The following MCUB variants were observed in gnomAD, a reference collection of about 807,000 sequenced individuals.
MCUB encodes calcium uniporter regulatory subunit MCUb, mitochondrial.
In MCUB, 46 loss-of-function variants were observed where a neutral mutation model predicts 41.4. The ratio of observed to expected loss-of-function variants is 1.11; its 90% CI spans 0.88 to 1.42. The LOEUF (loss-of-function observed/expected upper bound fraction) is 1.42, where lower values mean the gene tolerates loss of function less well. Among genes scored for constraint, MCUB ranks in the 40% most tolerant of loss-of-function variants. The pLI, the probability that MCUB is intolerant of heterozygous loss-of-function variation, is 0.00. For missense variants in MCUB, 403 were observed against 404.9 expected, an observed-to-expected ratio of 1.00 and a Z score of 0.04; for synonymous variants, 148 against 148.2, an observed-to-expected ratio of 1.00 and a Z score of 0.01.
chr4:109,625,960 C>G (rs6815377), intron 1 of MCUB, among the ~76,000 whole-genome samples: 113,177 of 152,092 alleles, frequency 0.74, 43,132 homozygotes, highest in African/African-American at 0.92. Flanking sequence ...TTAATGCATT[C>G]GTCCTCAGTG....
intron 1 of MCUB, among the ~76,000 whole-genome samples, chr4:109,612,835 G>GTT (rs1728041945): frequency 1.3e-5 from 2 of 152,106 alleles, no homozygotes; most frequent in Admixed American, 1.3e-4. Context: ...GGCCGGGTGC[G>GTT]GTGTCTCACG....
At chr4:109,598,140 A>G (rs1418323812) in intron 1 of MCUB, among the ~76,000 whole-genome samples, 1 of 145,940 alleles carries the variant, frequency 6.9e-6, no homozygotes, top group Non-Finnish European at 1.5e-5. Context: ...GGCTCCTCAC[A>G]TCCCAGACGA....
chr4:109,586,924 T>C (rs1727320346), intron 1 of MCUB, among the ~76,000 whole-genome samples: 1 of 152,172 alleles, frequency 6.6e-6, no homozygotes, highest in Non-Finnish European at 1.5e-5. Flanking sequence ...AGGGACCCAC[T>C]TGAGGAGGCA....
intron 1 of MCUB, among the ~76,000 whole-genome samples, chr4:109,657,587 A>G (rs1729133522): frequency 6.6e-6 from 1 of 152,246 alleles, no homozygotes; most frequent in Non-Finnish European, 1.5e-5. Flanking sequence ...CTGGATCAGT[A>G]TGTTACAGCC....
At chr4:109,597,878 C>G (rs1394272345) in intron 1 of MCUB, among the ~76,000 whole-genome samples, 1 of 149,984 alleles carries the variant, frequency 6.7e-6, no homozygotes, top group African/African-American at 2.5e-5. Flanking sequence ...ACTTCTCAGA[C>G]GGGGTGGCTG....
At position 109,685,377 on chromosome 4, in the gene MCUB, A is replaced by C; in HGVS notation, c.933+10A>C. On this transcript the variant is annotated intron_variant, in intron 7 of 7. Coordinates refer to ENST00000394650, the MANE Select transcript of MCUB (RefSeq NM_017918.5). Reference sequence around the variant, plus strand: ...AGAAGACCTTGCTAAGGTATACTACAAATACATCTTATAGCTGGTTTGTTT... The same window carrying C: ...AGAAGACCTTGCTAAGGTATACTACCAATACATCTTATAGCTGGTTTGTTT... 4.4e-6 allele frequency: 5 copies of C among 1,142,260 alleles called. No individual in the cohort carries two copies. The highest frequency in any genetic ancestry group is 6.6e-6 in the Non-Finnish European group (5 of 751,882). The allele number at this position is 1,142,260 out of a possible 1,614,324, so 70.8% of individuals were successfully genotyped here. A position where few individuals can be genotyped will look rare whatever the true frequency, so the allele number is the denominator to read the frequency against.
intron 1 of MCUB, among the ~76,000 whole-genome samples, chr4:109,561,445 AT>A (rs11310834): frequency 0.11 from 15,974 of 150,532 alleles, 2,531 homozygotes; most frequent in African/African-American, 0.35. Context: ...ATTTAAGTGC[AT>A]TTTTTTTTCC....
chr4:109,639,378 G>A (rs141562441), intron 1 of MCUB, among the ~76,000 whole-genome samples: 7 of 151,690 alleles, frequency 4.6e-5, no homozygotes, highest in East Asian at 1.9e-4. Flanking sequence ...TGAGCAGTAG[G>A]TCTCAACAGT....
At chr4:109,563,902 A>G (rs1316418686) in intron 1 of MCUB, among the ~76,000 whole-genome samples, 1 of 151,784 alleles carries the variant, frequency 6.6e-6, no homozygotes, top group African/African-American at 2.4e-5. Flanking sequence ...CACTTCTTAA[A>G]AAAATAAAAG....
intron 3 of MCUB, among the ~76,000 whole-genome samples, chr4:109,663,082 GT>G (rs1209764920): frequency 6.6e-6 from 1 of 152,194 alleles, no homozygotes; most frequent in Admixed American, 6.5e-5. Flanking sequence ...GCAGCAGCCA[GT>G]TTCTTCGGGA....
intron 1 of MCUB, among the ~76,000 whole-genome samples, chr4:109,574,067 T>G (rs1726975409): frequency 6.6e-6 from 1 of 151,486 alleles, no homozygotes; most frequent in Non-Finnish European, 1.5e-5. Flanking sequence ...ACAATCAGAG[T>G]TTTACCGTGT....
chr4:109,643,182 T>TGA (rs1331324698), intron 1 of MCUB, among the ~76,000 whole-genome samples: 1 of 152,072 alleles, frequency 6.6e-6, no homozygotes, highest in Non-Finnish European at 1.5e-5. Flanking sequence ...ACTGAGTAGG[T>TGA]GAGACTTATT....
At position 109,656,973 on chromosome 4, in the gene MCUB, G is replaced by A. The variant is rs560924360; in HGVS notation, c.100-2038G>A. On this transcript the variant is annotated intron_variant, in intron 1 of 7. Transcript: ENST00000394650. ...GGTGGGTCACGCCTGTAATCCCAGC[G>A]CTTCGGGAGGCCGAGGCAGGCTGAT... Among the ~76,000 whole-genome samples the A allele has an allele frequency of 2.7e-3, 407 of 152,110 alleles. 3 individuals carry two copies. Among genetic ancestry groups the A allele is most frequent in the Non-Finnish European group, 4.9e-3 (332 of 67,980 alleles).
In MCUB at chr4:109,628,643, A is replaced by G. The variant is rs891931304; in HGVS notation, c.100-30368A>G. 3.9e-4 allele frequency among the ~76,000 whole-genome samples: 59 copies of G among 152,186 alleles called. 2 individuals are homozygous for G. Among genetic ancestry groups the G allele is most frequent in the Admixed American group, 3.9e-3 (59 of 15,280 alleles). ...TGAGGGATTGTATGTTTGAAAGAGAAAGCCTGGTTTTTGGCTTGAGCAGCT... is the reference window on the plus strand; with the variant it reads ...TGAGGGATTGTATGTTTGAAAGAGAGAGCCTGGTTTTTGGCTTGAGCAGCT... On this transcript the variant is annotated intron_variant, in intron 1 of 7. Transcript: ENST00000394650.
intron 1 of MCUB, among the ~76,000 whole-genome samples, chr4:109,562,453 TGAG>T (rs1726663805): frequency 6.6e-6 from 1 of 152,230 alleles, no homozygotes; most frequent in Admixed American, 6.5e-5. Context: ...TTCTGGCTCT[TGAG>T]GAGTTTTAGC....
At chr4:109,641,911 G>A (rs547585051) in intron 1 of MCUB, among the ~76,000 whole-genome samples, 14 of 152,264 alleles carry the variant, frequency 9.2e-5, no homozygotes, top group African/African-American at 1.2e-4. Flanking sequence ...CCTTTGTCAC[G>A]AAAAGATCTT....
At chr4:109,607,383 A>G (rs529443295) in intron 1 of MCUB, among the ~76,000 whole-genome samples, 18 of 151,886 alleles carry the variant, frequency 1.2e-4, no homozygotes, top group African/African-American at 4.3e-4. Context: ...ACGCCCGGCT[A>G]ATTTTTGTAT....
intron 5 of MCUB, among the ~76,000 whole-genome samples, chr4:109,684,069 T>C (rs1729777253): frequency 6.6e-6 from 1 of 150,706 alleles, no homozygotes; most frequent in African/African-American, 2.4e-5. Flanking sequence ...TCTTTTCTTT[T>C]TTTTTTTTTT....
chr4:109,621,876 CT>C (rs1268135314), intron 1 of MCUB, among the ~76,000 whole-genome samples: 6 of 151,722 alleles, frequency 4.0e-5, no homozygotes, highest in Admixed American at 1.3e-4. Flanking sequence ...GATTTTAGGA[CT>C]TTTTTTTATT....
Sources: gnomAD v4.1 joint callset for allele counts (sites outside exome capture counted in the v4.1 genomes callset) on GRCh38, gnomAD v4.1.1 for gene constraint, MANE v1.5 for transcripts, NCBI Gene and HGNC (gene_info 2026-07-23, HGNC 2026-07-21) for gene names.